The following GFRA4 variants were observed in gnomAD, a reference collection of about 807,000 sequenced individuals.
GFRA4 encodes the protein GDNF family receptor alpha 4.
A neutral mutation model predicts 28.5 loss-of-function variants in GFRA4; 31 were observed. The ratio of observed to expected loss-of-function variants is 1.09; its 90% CI spans 0.82 to 1.47. GFRA4 has a LOEUF of 1.47. Ranked by LOEUF, GFRA4 falls within the 40% of genes most tolerant of loss-of-function variation. The pLI is 0.00. For synonymous variants in GFRA4, 188 were observed against 188.0 expected (o/e 1.00, Z 0.00); for missense variants, 389 against 413.2 (o/e 0.94, Z 0.51).
At chr20:3,663,228 C>A (rs1003886649) in intron 1 of GFRA4, 126 bp downstream of exon 1, 18 of 1,139,782 alleles carry the variant, frequency 1.6e-5, no homozygotes, top group Non-Finnish European at 2.2e-5. Context: ...TGCGCACAGG[C>A]CTCTCACTGG....
intron 4 of GFRA4, 71 bp downstream of exon 4, chr20:3,660,455 A>G (rs2087205240): frequency 1.4e-6 from 2 of 1,460,474 alleles, no homozygotes; most frequent in Non-Finnish European, 1.9e-6. Context: ...AATGGCTCCC[A>G]GCCAGGCGGC....
In GFRA4 at chr20:3,661,770, T is replaced by C. The variant is rs545832036; in HGVS notation, c.47-481A>G. ...CTGTGACGCCATACCTTTCCTCCTC[T>C]ACCCCCTCCACCTCGCCGCTTATCC... On this transcript the variant is annotated intron_variant, in intron 1 of 5. Coordinates refer to ENST00000290417, the MANE Select transcript of GFRA4 (RefSeq NM_022139.4). 2.6e-4 allele frequency among the ~76,000 whole-genome samples: 40 copies of C among 152,266 alleles called. No individual in the cohort carries two copies. The South Asian group carries it at 8.3e-3, about 32-fold the overall frequency.
rs1159591052 is a variant in GFRA4, at chr20:3,661,107, G to A, written c.229C>T (p.Pro77Ser). The A allele has an allele frequency of 5.3e-6, 7 of 1,313,560 alleles. No individual in the cohort carries two copies. The East Asian group carries it at 1.6e-4, about 30-fold the overall frequency. The allele number at this position is 1,313,560 out of a possible 1,614,324, so 81.4% of individuals were successfully genotyped here. A position where few individuals can be genotyped will look rare whatever the true frequency, so the allele number is the denominator to read the frequency against. ...AAGAGCAGTGCGTGGGTGAGCGCGG[G>A]CGGCCCGCGGGCGAAGAAGCGGCGC... is the stretch of plus-strand genomic sequence containing the variant. ...ALRRFFARGP[P>S]ALTHALLFCP... Residue 77 changes from proline (P) to serine (S), a missense_variant, in exon 2 of 6, where the codon CCC becomes TCC. Coordinates refer to ENST00000290417, the MANE Select transcript of GFRA4 (RefSeq NM_022139.4).
chr20:3,659,855 C>G lies in GFRA4; in HGVS notation c.*54G>C. ...AGGGGCCAGTAGGCCACAGAGGCGG[C>G]CCAGGCAGGCAGGGTGGAGTAGCTG... is the stretch of plus-strand genomic sequence containing the variant. On this transcript the variant is annotated 3_prime_UTR_variant, in exon 6 of 6. Transcript: ENST00000290417. 1 of 1,523,314 alleles carries G rather than the reference C, an allele frequency of 6.6e-7. No individual in the cohort carries two copies. 94.4% of individuals were successfully genotyped at this position (1,523,314 alleles called of 1,614,324 possible).
At chr20:3,660,067 T>C in intron 5 of GFRA4, 78 bp from the exon 6 acceptor site, 7 of 1,512,446 alleles carry the variant, frequency 4.6e-6, no homozygotes, top group Non-Finnish European at 4.5e-6. Context: ...CCCCAGGCCC[T>C]TCATGCCTCC....
rs559099783 is a variant in GFRA4, at chr20:3,659,801, G to T, written c.*108C>A. The T allele has an allele frequency of 1.8e-6, 2 of 1,090,110 alleles. No homozygotes were observed. The highest frequency in any genetic ancestry group is 2.7e-6 in the Non-Finnish European group (2 of 744,060). 67.5% of individuals were successfully genotyped at this position (1,090,110 alleles called of 1,614,324 possible). ...GCAGCGGAGTGAAAGCACCAGGGCC[G>T]GCTTGGGGGGTAAGCCAGCCCCTTC... On this transcript the variant is annotated 3_prime_UTR_variant, in exon 6 of 6. Transcript: ENST00000290417.
Position 3,660,866 on chromosome 20 carries a change from TGCGCGGCGGGAGG to T in GFRA4, c.393-15_393-3del. ...ACCTGAAAGGCCAGGAGGCGAGGCCTGCGCGGCGGGAGGGCGGTGAGCCGGAGAGAGGCCCCGT... is the reference window on the plus strand; with the variant it reads ...ACCTGAAAGGCCAGGAGGCGAGGCCTGCGGTGAGCCGGAGAGAGGCCCCGT... On this transcript the variant is annotated splice_polypyrimidine_tract_variant and splice_region_variant and intron_variant, in intron 2 of 5. Transcript: ENST00000290417. 7.1e-7 allele frequency: 1 copy of T among 1,411,436 alleles called. No individual in the cohort carries two copies. Among genetic ancestry groups the T allele is most frequent in the Non-Finnish European group, 9.1e-7 (1 of 1,093,020 alleles). The allele number at this position is 1,411,436 out of a possible 1,614,324, so 87.4% of individuals were successfully genotyped here. A position where few individuals can be genotyped will look rare whatever the true frequency, so the allele number is the denominator to read the frequency against.
At chr20:3,660,293 A>G in intron 4 of GFRA4, 44 bp from the exon 5 acceptor site, 1 of 1,488,940 alleles carries the variant, frequency 6.7e-7, no homozygotes, top group Non-Finnish European at 9.2e-7. Context: ...GGGAAACCCT[A>G]GCACAGGGCT....
intron 1 of GFRA4, among the ~76,000 whole-genome samples, chr20:3,662,963 G>C (rs555476932): frequency 3.3e-5 from 5 of 152,338 alleles, no homozygotes; most frequent in African/African-American, 1.2e-4. Flanking sequence ...TCCATGCAGG[G>C]ACGGAGCAGT....
In GFRA4 at chr20:3,659,914, G is replaced by T; in HGVS notation, c.805C>A (p.Leu269Ile). The T allele has an allele frequency of 6.3e-7, 1 of 1,594,044 alleles. No homozygotes were observed. The highest frequency in any genetic ancestry group is 2.3e-5 in the East Asian group (1 of 44,154). Residue 269 changes from leucine (L) to isoleucine (I), a missense_variant, in exon 6 of 6, where the codon CTC becomes ATC. Transcript: ENST00000290417. Reference protein sequence around the residue: ...ILPVLALPALL With the variant: ...ILPVLALPALI ...ATCCGAGGTCGCTGTCCTAATCAGA[G>T]CAGGGCCGGGAGAGCCAGGACAGGA...
In GFRA4 at chr20:3,663,393, G is replaced by T. The variant is rs143428131; in HGVS notation, c.7C>A (p.Arg3Ser). 1.2e-6 allele frequency: 2 copies of T among 1,609,336 alleles called. No homozygotes were observed. The highest frequency in any genetic ancestry group is 2.7e-5 in the African/African-American group (2 of 75,020). Residue 3 changes from arginine (R) to serine (S), a missense_variant, in exon 1 of 6, where the codon CGC becomes AGC. By Grantham distance (110) the Arg-to-Ser change is moderately radical (BLOSUM62 -1). Transcript: ENST00000290417. ...AGCAGCAGCGCAGGCCCCAGGCAGC[G>T]GACCATGCTGGACCTTCAACAGAGA... MV[R>S]CLGPALLLLL... is the part of the protein sequence containing the mutation.
intron 1 of GFRA4, 144 bp from the exon 2 acceptor site, chr20:3,661,433 T>G: frequency 7.8e-7 from 1 of 1,281,694 alleles, no homozygotes; most frequent in Non-Finnish European, 9.9e-7. Flanking sequence ...CGACTGGCAC[T>G]GATCGGCTCT....
At chr20:3,660,126 G>T in intron 5 of GFRA4, 32 bp downstream of exon 5, 2 of 1,546,654 alleles carry the variant, frequency 1.3e-6, no homozygotes, top group Non-Finnish European at 1.8e-6. Context: ...AGTGGGGGAG[G>T]TGCCAGCTCA....
intron 1 of GFRA4, among the ~76,000 whole-genome samples, chr20:3,662,552 C>T (rs1324475817): frequency 2.6e-5 from 4 of 152,158 alleles, no homozygotes; most frequent in Non-Finnish European, 5.9e-5. Context: ...TGGATTGGAC[C>T]GCGTGGTGAG....
rs1036615847 is a variant in GFRA4 at position 3,659,794 on chromosome 20, C to G, written c.*115G>C. 1 of 1,004,292 alleles carries G rather than the reference C, an allele frequency of 1.0e-6. No homozygotes were observed. Among genetic ancestry groups the G allele is most frequent in the East Asian group, 2.6e-5 (1 of 38,438 alleles). The allele number at this position is 1,004,292 out of a possible 1,614,324, so 62.2% of individuals were successfully genotyped here. A position where few individuals can be genotyped will look rare whatever the true frequency, so the allele number is the denominator to read the frequency against. On this transcript the variant is annotated 3_prime_UTR_variant, in exon 6 of 6. Transcript: ENST00000290417. Reference sequence around the variant, plus strand: ...ACAAAGGGCAGCGGAGTGAAAGCACCAGGGCCGGCTTGGGGGGTAAGCCAG... The same window carrying G: ...ACAAAGGGCAGCGGAGTGAAAGCACGAGGGCCGGCTTGGGGGGTAAGCCAG...
At chr20:3,662,190 C>G in intron 1 of GFRA4, among the ~76,000 whole-genome samples, 1 of 152,220 alleles carries the variant, frequency 6.6e-6, no homozygotes, top group Admixed American at 6.5e-5. Flanking sequence ...GCCTGGCACC[C>G]CAGTCACACA....
At position 3,661,041 on chromosome 20, in the gene GFRA4, G is replaced by A. The variant is rs913989720; in HGVS notation, c.295C>T (p.Gln99Ter). 80 of 1,460,078 alleles carry A rather than the reference G, an allele frequency of 5.5e-5. No individual in the cohort carries two copies. The highest frequency in any genetic ancestry group is 7.4e-5 in the African/African-American group (5 of 67,502). 90.4% of individuals were successfully genotyped at this position (1,460,078 alleles called of 1,614,324 possible). A position where few individuals can be genotyped will look rare whatever the true frequency, so the allele number is the denominator to read the frequency against. ...AGPACAERRRQTFVPSCAFSG... is the reference protein window; with the variant it reads ...AGPACAERRR ...AAGGCGCAGGAGGGCACGAAGGTCT[G>A]GCGCCGACGCTCGGCGCACGCGGGG... Residue 99 changes from glutamine to a stop codon, truncating the protein, a stop_gained, in exon 2 of 6, where the codon CAG becomes TAG. Transcript: ENST00000290417. LOFTEE classifies it high-confidence loss of function.
intron 5 of GFRA4, 61 bp downstream of exon 5, chr20:3,660,097 G>A (rs1426602867): frequency 2.0e-6 from 3 of 1,522,132 alleles, no homozygotes; most frequent in South Asian, 1.2e-5. Context: ...CACCAGGGAC[G>A]GAAGGGTGTG....
At position 3,660,772 on chromosome 20, in the gene GFRA4, G is replaced by C. The variant is rs745849287; in HGVS notation, c.485C>G (p.Ala162Gly). 24 of 1,415,390 alleles carry C rather than the reference G, an allele frequency of 1.7e-5. No individual in the cohort carries two copies. The highest frequency in any genetic ancestry group is 2.2e-5 in the Non-Finnish European group (24 of 1,094,526). The allele number at this position is 1,415,390 out of a possible 1,614,324, so 87.7% of individuals were successfully genotyped here. The change falls in exon 3 of 6, where the codon GCC becomes GGC. Residue 162 changes from alanine to glycine, a missense_variant. By Grantham distance (60) the Ala-to-Gly change is moderately conservative. Transcript: ENST00000290417. ...GCGCGTACCCACGAGGCCCGCGTAGGCGCGCAGGCAGCGGGCGCCCTGGTC... is the reference window on the plus strand; with the variant it reads ...GCGCGTACCCACGAGGCCCGCGTAGCCGCGCAGGCAGCGGGCGCCCTGGTC... ...LLDQGARCLR[A>G]YAGLVGTAVT...
Sources: allele counts gnomAD v4.1 joint callset (sites outside exome capture counted in the v4.1 genomes callset), GRCh38; gene constraint gnomAD v4.1.1; transcripts MANE v1.5; gene names NCBI Gene and HGNC (gene_info 2026-07-23, HGNC 2026-07-21).